PTPN13: variants seen among roughly 807,000 people sequenced by gnomAD.
The protein encoded by PTPN13 is tyrosine-protein phosphatase non-receptor type 13.
A neutral mutation model predicts 284.0 loss-of-function variants in PTPN13; 191 were observed. That is an observed-to-expected ratio of 0.67 (90% CI 0.60 to 0.76). The LOEUF is 0.76. PTPN13 is among the 30% of genes least tolerant of loss of function. PTPN13 has a pLI of 0.00. For synonymous variants in PTPN13, 986 were observed against 1,022.3 expected (o/e 0.96, Z 0.68); for missense variants, 2,797 against 2,939.9 (o/e 0.95, Z 1.12).
intron 2 of PTPN13, among the ~76,000 whole-genome samples, chr4:86,668,119 G>T (rs1727295057): frequency 6.6e-6 from 1 of 152,052 alleles, no homozygotes; most frequent in Non-Finnish European, 1.5e-5. Context: ...TGGAATGTTG[G>T]TAAAATCTAT....
intron 44 of PTPN13, among the ~76,000 whole-genome samples, chr4:86,805,811 A>T (rs1744587615): frequency 6.6e-6 from 1 of 152,172 alleles, no homozygotes; most frequent in African/African-American, 2.4e-5. Context: ...ATATGACTAC[A>T]GTGGTACTAC....
intron 2 of PTPN13, among the ~76,000 whole-genome samples, chr4:86,635,879 C>T (rs576506677): frequency 1.3e-5 from 2 of 152,120 alleles, no homozygotes; most frequent in Admixed American, 1.3e-4. Flanking sequence ...AGGAGAATCA[C>T]TTGAATCCAG....
chr4:86,758,356 C>A lies in PTPN13; in HGVS notation c.3313+7C>A. On this transcript the variant is annotated splice_region_variant and intron_variant, in intron 21 of 47. Transcript: ENST00000411767. ...GATGCAAAGTATGGCTTGGGTAAGTCACCGTGAGATTCTTGAAGGTCTATG... is the reference window on the plus strand; with the variant it reads ...GATGCAAAGTATGGCTTGGGTAAGTAACCGTGAGATTCTTGAAGGTCTATG... 6.3e-7 allele frequency: 1 copy of A among 1,588,426 alleles called. No individual in the cohort carries two copies. Among genetic ancestry groups the A allele is most frequent in the South Asian group, 1.1e-5 (1 of 89,218 alleles).
chr4:86,725,326 T>G (rs1346507867), intron 10 of PTPN13, among the ~76,000 whole-genome samples: 1 of 149,522 alleles, frequency 6.7e-6, no homozygotes, highest in African/African-American at 2.4e-5. Context: ...CCTTTGGGTA[T>G]ATACCCAGTA....
chr4:86,694,798 C>T (rs1730430318), intron 6 of PTPN13, among the ~76,000 whole-genome samples: 1 of 151,910 alleles, frequency 6.6e-6, no homozygotes, highest in African/African-American at 2.4e-5. Context: ...TTTTTTAGAT[C>T]TTGTCCTAGA....
At chr4:86,797,947 A>AAAGT (rs1321530176) in intron 41 of PTPN13, among the ~76,000 whole-genome samples, 2 of 152,172 alleles carry the variant, frequency 1.3e-5, no homozygotes, top group Admixed American at 1.3e-4. Flanking sequence ...ATAAAATATA[A>AAAGT]ACTTTATTAA....
Position 86,766,499 on chromosome 4 carries a change from A to C in PTPN13, c.4311A>C (p.Thr1437=). ...CCACCCATAAGCAAGCTGTGGAAAC[A>C]CTGAGAAATACAGGACAGGTAACAG... ...EGATHKQAVE[T]LRNTGQVVHL... Residue 1437 remains threonine (T), a synonymous_variant, in exon 27 of 48, where the codon ACA becomes ACC. Coordinates refer to ENST00000411767, the MANE Select transcript of PTPN13 (RefSeq NM_080683.3). The C allele has an allele frequency of 6.2e-7, 1 of 1,608,254 alleles. No homozygotes were observed. Among genetic ancestry groups the C allele is most frequent in the African/African-American group, 1.3e-5 (1 of 74,784 alleles).
intron 1 of PTPN13, among the ~76,000 whole-genome samples, chr4:86,633,065 C>T (rs1722633962): frequency 6.6e-6 from 1 of 152,132 alleles, no homozygotes; most frequent in African/African-American, 2.4e-5. Flanking sequence ...CTTAGCCTCC[C>T]AAATTGCTGG....
At position 86,655,755 on chromosome 4, in the gene PTPN13, A is replaced by G. The variant is rs554344075; in HGVS notation, c.116-16610A>G. ...TCTTCTCGAGGAGTATCTTTGTGGC[A>G]TTCTCTGTATTTCCTGAATTTGAAC... On this transcript the variant is annotated intron_variant, in intron 2 of 47. Coordinates refer to ENST00000411767, the MANE Select transcript of PTPN13 (RefSeq NM_080683.3). Among the ~76,000 whole-genome samples, 1,348 of 152,124 alleles carry G rather than the reference A, an allele frequency of 8.9e-3. 6 individuals are homozygous for G. Among genetic ancestry groups the G allele is most frequent in the Non-Finnish European group, 0.013 (910 of 67,998 alleles).
In PTPN13 at chr4:86,650,510, A is replaced by G. The variant is rs535481478; in HGVS notation, c.115+15139A>G. Among the ~76,000 whole-genome samples the G allele has an allele frequency of 1.4e-3, 220 of 152,140 alleles. 7 individuals are homozygous for G. In the South Asian group the frequency reaches 0.044, roughly 30 times the overall value. On this transcript the variant is annotated intron_variant, in intron 2 of 47. Transcript: ENST00000411767. ...TTGTTTGCAGAGAAGGGGTTTCACC[A>G]TGTTGCCCAGGCTATCCACCTGCCT...
At chr4:86,622,163 C>A (rs1318295326) in intron 1 of PTPN13, among the ~76,000 whole-genome samples, 1 of 152,282 alleles carries the variant, frequency 6.6e-6, no homozygotes, top group South Asian at 2.1e-4. Flanking sequence ...TAGTAAAATT[C>A]TGTTACATTT....
Position 86,771,348 on chromosome 4 carries a change from G to A in PTPN13, c.4981G>A (p.Asp1661Asn), listed in dbSNP as rs1193694908. The part of the protein sequence containing the change: ...SYSDSSGSGE[D>N]DLVTAPANIS... ...CAGTGACAGCAGTGGGAGTGGAGAA[G>A]ATGACTTAGTGACAGCTCCAGCAAA... Residue 1661 changes from aspartate to asparagine, a missense_variant, in exon 31 of 48, where the codon GAT (aspartate) becomes AAT (asparagine). Coordinates refer to ENST00000411767, the MANE Select transcript of PTPN13 (RefSeq NM_080683.3). 6.3e-7 allele frequency: 1 copy of A among 1,590,176 alleles called. No individual in the cohort carries two copies. Among genetic ancestry groups the A allele is most frequent in the Admixed American group, 1.8e-5 (1 of 56,084 alleles).
At chr4:86,674,885 T>G (rs941780213) in intron 3 of PTPN13, among the ~76,000 whole-genome samples, 10 of 152,212 alleles carry the variant, frequency 6.6e-5, no homozygotes, top group Non-Finnish European at 1.3e-4. Context: ...TTCTGTACAT[T>G]GTACGATTCA....
chr4:86,785,264 A>T lies in PTPN13; in HGVS notation c.6152A>T (p.Asp2051Val). The change falls in exon 39 of 48, where the codon GAT becomes GTT. Residue 2051 changes from aspartate to valine, a missense_variant. By Grantham distance (152) the Asp-to-Val change is radical. Coordinates refer to ENST00000411767, the MANE Select transcript of PTPN13 (RefSeq NM_080683.3). ...ATACAAGAAGATGACATTTATGATG[A>T]TTCCCAAGAAGCTGAAGTTATCCAG... ...SYIQEDDIYD[D>V]SQEAEVIQSL... The T allele has an allele frequency of 6.3e-7, 1 of 1,582,830 alleles. No individual in the cohort carries two copies. The highest frequency in any genetic ancestry group is 1.4e-5 in the African/African-American group (1 of 73,982).
chr4:86,732,275 C>A, intron 10 of PTPN13, 125 bp from the exon 11 acceptor site: 2 of 776,080 alleles, frequency 2.6e-6, no homozygotes, highest in Non-Finnish European at 4.0e-6. Context: ...TTTTAGATCA[C>A]CTAGTTCTAA....
chr4:86,710,502 A>G (rs1226365727), intron 7 of PTPN13, among the ~76,000 whole-genome samples: 2 of 152,238 alleles, frequency 1.3e-5, no homozygotes, highest in African/African-American at 2.4e-5. Context: ...ATAGCTTTAT[A>G]TAAGGCCAGA....
chr4:86,805,150 G>A (rs1458326790), intron 43 of PTPN13, 129 bp from the exon 44 acceptor site: 2 of 521,018 alleles, frequency 3.8e-6, no homozygotes, highest in Non-Finnish European at 6.9e-6. Context: ...GACTTATTTA[G>A]GACATCTGTA....
chr4:86,795,738 A>G (rs894768477), intron 40 of PTPN13, among the ~76,000 whole-genome samples: 1 of 152,204 alleles, frequency 6.6e-6, no homozygotes, highest in East Asian at 1.9e-4. Context: ...TGTCCTTTGC[A>G]CAGACATGGA....
At chr4:86,650,660 GTATTT>G (rs1394138940) in intron 2 of PTPN13, among the ~76,000 whole-genome samples, 2 of 152,034 alleles carry the variant, frequency 1.3e-5, no homozygotes, top group African/African-American at 4.8e-5. Flanking sequence ...TTATTCCTAG[GTATTT>G]TATTTTATTT....
Sources: allele counts gnomAD v4.1 joint callset (sites outside exome capture counted in the v4.1 genomes callset), GRCh38; gene constraint gnomAD v4.1.1; transcripts MANE v1.5; gene names NCBI Gene and HGNC (gene_info 2026-07-23, HGNC 2026-07-21).